The following TYR variants were observed in gnomAD, a reference collection of about 807,000 sequenced individuals.
TYR encodes LB24-AB.
In TYR, 58 loss-of-function variants were observed where a neutral mutation model predicts 51.5. That is an observed-to-expected ratio of 1.13 (90% CI 0.91 to 1.40). TYR has a LOEUF of 1.40. Ranked by LOEUF, TYR falls within the 40% of genes most tolerant of loss-of-function variation. TYR has a pLI of 0.00. For missense variants in TYR, 732 were observed against 647.4 expected, an observed-to-expected ratio of 1.13 and a Z score of -1.42; for synonymous variants, 263 against 235.2, an observed-to-expected ratio of 1.12 and a Z score of -1.08.
intron 3 of TYR, among the ~76,000 whole-genome samples, chr11:89,234,609 T>G (rs976842644): frequency 7.0e-6 from 1 of 142,670 alleles, no homozygotes; most frequent in Non-Finnish European, 1.5e-5. Context: ...ATTTTAGGGT[T>G]ATTAATTGGC....
At position 89,178,111 on chromosome 11, in the gene TYR, G is replaced by T; in HGVS notation, c.158G>T (p.Gly53Val). 6.2e-7 allele frequency: 1 copy of T among 1,614,216 alleles called. No individual in the cohort carries two copies. ...RSPCGQLSGR[G>V]SCQNILLSNA... ...CCCTGTGGCCAGCTTTCAGGCAGAG[G>T]TTCCTGTCAGAATATCCTTCTGTCC... is the stretch of plus-strand genomic sequence containing the variant. The change falls in exon 1 of 5, where the codon GGT becomes GTT. Residue 53 changes from glycine (G) to valine (V), a missense_variant. By Grantham distance (109) the Gly-to-Val change is moderately radical (BLOSUM62 -3). Coordinates refer to ENST00000263321, the MANE Select transcript of TYR (RefSeq NM_000372.5).
intron 4 of TYR, among the ~76,000 whole-genome samples, chr11:89,290,518 C>G (rs1263628199): frequency 6.6e-6 from 1 of 152,064 alleles, no homozygotes; most frequent in Middle Eastern, 3.4e-3. Context: ...ATTGAAGCCA[C>G]TAACAGCAAT....
At chr11:89,209,243 A>G (rs1362044273) in intron 2 of TYR, among the ~76,000 whole-genome samples, 2 of 152,122 alleles carry the variant, frequency 1.3e-5, no homozygotes, top group Non-Finnish European at 2.9e-5. Context: ...CCCAAATACT[A>G]TGTTTTTCCC....
chr11:89,197,396 T>C (rs1943534650), intron 2 of TYR, among the ~76,000 whole-genome samples: 1 of 152,182 alleles, frequency 6.6e-6, no homozygotes, highest in Non-Finnish European at 1.5e-5. Context: ...TCTTCACTTT[T>C]AAAGAGTTAT....
chr11:89,249,480 A>AG (rs1944306421), intron 3 of TYR, among the ~76,000 whole-genome samples: 1 of 151,420 alleles, frequency 6.6e-6, no homozygotes, highest in Non-Finnish European at 1.5e-5. Context: ...CCAAAAAAAA[A>AG]AAAAAAAAAA....
intron 2 of TYR, among the ~76,000 whole-genome samples, chr11:89,211,197 C>G (rs1476055586): frequency 6.6e-6 from 1 of 152,086 alleles, no homozygotes; most frequent in Non-Finnish European, 1.5e-5. Flanking sequence ...CATCGATGTG[C>G]TATATTCAGG....
chr11:89,194,391 G>T (rs1191520849), intron 2 of TYR, among the ~76,000 whole-genome samples: 1 of 152,150 alleles, frequency 6.6e-6, no homozygotes, highest in Non-Finnish European at 1.5e-5. Flanking sequence ...ATGACCATCT[G>T]TCTCACGTTG....
chr11:89,191,924 T>G, intron 2 of TYR: 1 of 371,360 alleles, frequency 2.7e-6, no homozygotes, highest in Non-Finnish European at 5.2e-6. Flanking sequence ...CAGAACATTT[T>G]GTATTGTGGA....
In TYR at chr11:89,177,877, TGTA is replaced by T. The variant is rs1393585358; in HGVS notation, c.-69_-67del. On this transcript the variant is annotated 5_prime_UTR_variant, in exon 1 of 5. Transcript: ENST00000263321. ...CTCAGCCAAGACATGTGATAATCAC[TGTA>T]GTAGTAGCTGGAAAGAGAAATCTGT... The T allele has an allele frequency of 6.4e-6, 9 of 1,403,644 alleles. No homozygotes were observed. In the African/African-American group the frequency reaches 8.5e-5, roughly 13 times the overall value. 86.9% of individuals were successfully genotyped at this position (1,403,644 alleles called of 1,614,324 possible).
At chr11:89,188,181 C>T (rs994655789) in intron 1 of TYR, among the ~76,000 whole-genome samples, 2 of 151,528 alleles carry the variant, frequency 1.3e-5, no homozygotes, top group African/African-American at 4.8e-5. Flanking sequence ...ACTTAAAATG[C>T]TAATACTTAT....
chr11:89,185,162 G>C (rs1943353617), intron 1 of TYR, among the ~76,000 whole-genome samples: 1 of 152,012 alleles, frequency 6.6e-6, no homozygotes, highest in Non-Finnish European at 1.5e-5. Flanking sequence ...GCCTTTTGTA[G>C]TCTTCCACAG....
At chr11:89,239,033 T>C (rs1473313557) in intron 3 of TYR, among the ~76,000 whole-genome samples, 1 of 152,174 alleles carries the variant, frequency 6.6e-6, no homozygotes, top group Non-Finnish European at 1.5e-5. Flanking sequence ...AATATTGGCC[T>C]GTAATTTTGT....
intron 3 of TYR, 98 bp from the exon 4 acceptor site, chr11:89,284,675 C>G: frequency 9.2e-7 from 1 of 1,084,988 alleles, no homozygotes; most frequent in Non-Finnish European, 1.4e-6. Context: ...TTCCATGTCT[C>G]CAGATTTTAA....
At chr11:89,205,054 G>A (rs73531508) in intron 2 of TYR, among the ~76,000 whole-genome samples, 3,018 of 151,918 alleles carry the variant, frequency 0.02, 87 homozygotes, top group African/African-American at 0.066. Context: ...GAATGACTTC[G>A]CAAGAAAATG....
chr11:89,219,803 G>A (rs1435535307), intron 2 of TYR, among the ~76,000 whole-genome samples: 1 of 152,116 alleles, frequency 6.6e-6, no homozygotes, highest in East Asian at 1.9e-4. Flanking sequence ...ATAGGAAGCT[G>A]ATGAAGTTTT....
chr11:89,196,738 T>A (rs1349740800), intron 2 of TYR, among the ~76,000 whole-genome samples: 1 of 152,136 alleles, frequency 6.6e-6, no homozygotes, highest in Admixed American at 6.6e-5. Flanking sequence ...CAGTCCGACA[T>A]CCCACACTAT....
At chr11:89,245,188 G>A (rs1456463326) in intron 3 of TYR, among the ~76,000 whole-genome samples, 2 of 152,188 alleles carry the variant, frequency 1.3e-5, no homozygotes, top group East Asian at 3.8e-4. Context: ...AAACAAAAAG[G>A]TGTAGAAATA....
chr11:89,240,033 C>T (rs7933594), intron 3 of TYR, among the ~76,000 whole-genome samples: 52,367 of 151,886 alleles, frequency 0.34, 10,027 homozygotes, highest in African/African-American at 0.52. Flanking sequence ...GTTCTGTATA[C>T]ATCTGTCGGG....
At chr11:89,205,340 C>T (rs1249055055) in intron 2 of TYR, among the ~76,000 whole-genome samples, 1 of 152,016 alleles carries the variant, frequency 6.6e-6, no homozygotes, top group Admixed American at 6.6e-5. Flanking sequence ...GTTCTAAGAA[C>T]TCAATGAAAT....
Sources: gnomAD v4.1 joint callset for allele counts (sites outside exome capture counted in the v4.1 genomes callset) on GRCh38, gnomAD v4.1.1 for gene constraint, MANE v1.5 for transcripts, NCBI Gene and HGNC (gene_info 2026-07-23, HGNC 2026-07-21) for gene names.